TCF4: variants seen among roughly 807,000 people sequenced by gnomAD.
TCF4 encodes the protein SL3-3 enhancer factor 2.
Under a neutral mutation model 82.1 loss-of-function variants are expected in TCF4, and 3 were observed. The ratio of observed to expected loss-of-function variants is 0.04; its 90% CI spans 0.02 to 0.09. The LOEUF (loss-of-function observed/expected upper bound fraction) is 0.09. TCF4 is among the 10% of genes least tolerant of loss of function. The pLI is 1.00. For synonymous variants in TCF4, 276 were observed against 309.6 expected (o/e 0.89, Z 1.14); for missense variants, 518 against 852.7 (o/e 0.61, Z 4.89).
chr18:55,377,526 T>A (rs905290055), intron 6 of TCF4, among the ~76,000 whole-genome samples: 1 of 152,244 alleles, frequency 6.6e-6, no homozygotes, highest in Non-Finnish European at 1.5e-5. Flanking sequence ...TTATTTTAAG[T>A]AGTTGTACTT....
At chr18:55,540,591 T>C (rs2097157177) in intron 3 of TCF4, among the ~76,000 whole-genome samples, 1 of 152,046 alleles carries the variant, frequency 6.6e-6, no homozygotes, top group South Asian at 2.1e-4. Flanking sequence ...TATTACATAT[T>C]TGCAAAAAAT....
At chr18:55,371,801 C>T (rs1045877415) in intron 6 of TCF4, among the ~76,000 whole-genome samples, 5 of 152,168 alleles carry the variant, frequency 3.3e-5, no homozygotes, top group Admixed American at 6.5e-5. Context: ...ATTATTGTCA[C>T]AAGTCTCTAT....
rs544293827 is a variant in TCF4 at position 55,225,902 on chromosome 18, T to C, written c.*2133A>G. On this transcript the variant is annotated 3_prime_UTR_variant, in exon 20 of 20. Transcript: ENST00000354452. ...CACAGCTAATCAAAATGTTTATGGG[T>C]TTGTAAAAGATGACCACGTGGTAAC... 1 of 152,662 alleles carries C rather than the reference T, an allele frequency of 6.6e-6. No individual in the cohort carries two copies. Among genetic ancestry groups the C allele is most frequent in the African/African-American group, 2.4e-5 (1 of 41,548 alleles). 9.5% of individuals were successfully genotyped at this position (152,662 alleles called of 1,614,324 possible). A position where few individuals can be genotyped will look rare whatever the true frequency, so the allele number is the denominator to read the frequency against.
chr18:55,317,533 G>C (rs1285430649), intron 8 of TCF4, among the ~76,000 whole-genome samples: 2 of 151,758 alleles, frequency 1.3e-5, no homozygotes, highest in African/African-American at 4.8e-5. Context: ...GTGAGGTTTG[G>C]GGGGAAAAAA....
rs544778985 is a variant in TCF4 at position 55,358,140 on chromosome 18, A to T, written c.370-7137T>A. Among the ~76,000 whole-genome samples, 8 of 152,346 alleles carry T rather than the reference A, an allele frequency of 5.3e-5. No individual in the cohort carries two copies. In the East Asian group the frequency reaches 1.3e-3, roughly 26 times the overall value. On this transcript the variant is annotated intron_variant, in intron 6 of 19. Transcript: ENST00000354452. ...GATATGGCAGCTAAAAGAGGAAATGACTTCTTCATGTTTTAACTTTCTACA... is the reference window on the plus strand; with the variant it reads ...GATATGGCAGCTAAAAGAGGAAATGTCTTCTTCATGTTTTAACTTTCTACA...
At chr18:55,320,188 GT>G (rs2075143146) in intron 8 of TCF4, among the ~76,000 whole-genome samples, 1 of 147,804 alleles carries the variant, frequency 6.8e-6, no homozygotes, top group African/African-American at 2.5e-5. Context: ...TCATGTACTT[GT>G]TAAAAAAAAA....
intron 3 of TCF4, among the ~76,000 whole-genome samples, chr18:55,580,330 A>G (rs539731571): frequency 6.6e-6 from 1 of 152,134 alleles, no homozygotes; most frequent in South Asian, 2.1e-4. Context: ...AAACTTTTTT[A>G]TATTTAAAGA....
chr18:55,510,594 C>T, intron 3 of TCF4: 1 of 1,512,142 alleles, frequency 6.6e-7, no homozygotes, highest in South Asian at 1.2e-5. Flanking sequence ...CTGTCCTCTT[C>T]CATATGAATA....
chr18:55,482,074 C>G (rs574560076), intron 3 of TCF4: 1 of 152,190 alleles, frequency 6.6e-6, no homozygotes, highest in Non-Finnish European at 1.5e-5. Context: ...AAAACTTCAA[C>G]AGGTATCAGG....
rs2093886602 is a variant in TCF4 at position 55,402,590 on chromosome 18, C to CAATGCACTTATAAAAAGTAAG, written c.369+863_369+864insCTTACTTTTTATAAGTGCATT. Among the ~76,000 whole-genome samples the CAATGCACTTATAAAAAGTAAG allele has an allele frequency of 2.6e-5, 4 of 151,684 alleles. No homozygotes were observed. In the South Asian group the frequency reaches 8.3e-4, roughly 32 times the overall value. On this transcript the variant is annotated intron_variant, in intron 6 of 19. Transcript: ENST00000354452. The stretch of plus-strand genomic sequence containing the variant: ...TTATTAAATTCCATCAAGAGTTTTC[C>CAATGCACTTATAAAAAGTAAG]AAAGTAAGAAACCAATGCACTTATA...
chr18:55,559,649 A>AC (rs1375659033), intron 3 of TCF4, among the ~76,000 whole-genome samples: 1 of 151,640 alleles, frequency 6.6e-6, no homozygotes, highest in Non-Finnish European at 1.5e-5. Context: ...TAAAAAAAAA[A>AC]AAACTTATTT....
intron 3 of TCF4, among the ~76,000 whole-genome samples, chr18:55,514,445 A>C (rs200677372): frequency 0.025 from 2,393 of 94,334 alleles, 36 homozygotes; most frequent in Admixed American, 0.04. Flanking sequence ...ACACACACAC[A>C]CCCCAATCAT....
intron 6 of TCF4, among the ~76,000 whole-genome samples, chr18:55,395,193 G>A (rs1006924699): frequency 6.6e-6 from 1 of 152,144 alleles, no homozygotes; most frequent in African/African-American, 2.4e-5. Context: ...GGAGGCTATA[G>A]AGCTACACTG....
chr18:55,616,444 T>C (rs1048818881), intron 2 of TCF4, among the ~76,000 whole-genome samples: 1 of 152,076 alleles, frequency 6.6e-6, no homozygotes, highest in Non-Finnish European at 1.5e-5. Context: ...GAATATCAAT[T>C]TGAGATCCTG....
intron 8 of TCF4, among the ~76,000 whole-genome samples, chr18:55,325,499 T>TAC (rs1182672344): frequency 6.6e-6 from 1 of 152,116 alleles, no homozygotes; most frequent in Admixed American, 6.5e-5. Flanking sequence ...AATGAACATC[T>TAC]ACACACACAC....
intron 2 of TCF4, among the ~76,000 whole-genome samples, chr18:55,618,262 T>C (rs2097714176): frequency 1.3e-5 from 2 of 152,234 alleles, no homozygotes; most frequent in South Asian, 2.1e-4. Flanking sequence ...ATCTATCACA[T>C]TAATTGATTT....
intron 3 of TCF4, among the ~76,000 whole-genome samples, chr18:55,505,710 A>G (rs1183251722): frequency 2.7e-5 from 4 of 148,272 alleles, no homozygotes; most frequent in East Asian, 4.1e-4. Flanking sequence ...GGGCTGAGGC[A>G]GGAGAATGGC....
upstream of TCF4, chr18:55,589,855 A>G (rs1029437002): frequency 1.2e-5 from 12 of 999,478 alleles, no homozygotes; most frequent in African/African-American, 1.9e-4. Context: ...ATGACTGGGA[A>G]GGGGCGGGGC....
At chr18:55,536,487 A>C (rs989062903) in intron 3 of TCF4, among the ~76,000 whole-genome samples, 1 of 152,228 alleles carries the variant, frequency 6.6e-6, no homozygotes, top group African/African-American at 2.4e-5. Flanking sequence ...TCCTAAAAGC[A>C]TACTTTCAGA....
Sources: gnomAD v4.1 joint callset for allele counts (sites outside exome capture counted in the v4.1 genomes callset) on GRCh38, gnomAD v4.1.1 for gene constraint, MANE v1.5 for transcripts, NCBI Gene and HGNC (gene_info 2026-07-23, HGNC 2026-07-21) for gene names.